The following MX2 variants were observed in gnomAD, a reference collection of about 807,000 sequenced individuals.
MX2 encodes the protein interferon-induced GTP-binding protein Mx2.
MX2 carries 51 observed loss-of-function variants against 74.0 expected under a neutral mutation model. The observed-to-expected ratio is 0.69, with a 90% confidence interval of 0.55 to 0.87. The LOEUF (loss-of-function observed/expected upper bound fraction) is 0.87, where lower values mean the gene tolerates loss of function less well. Among genes scored for constraint, MX2 ranks in the 40% least tolerant of loss-of-function variants. The probability of loss-of-function intolerance (pLI) is 0.00; values close to 1 mark genes in which losing one functional copy is unlikely to be tolerated. For synonymous variants in MX2, 369 were observed against 339.3 expected (o/e 1.09, Z -0.96); for missense variants, 832 against 908.7 (o/e 0.92, Z 1.09).
intron 10 of MX2, among the ~76,000 whole-genome samples, chr21:41,400,417 T>A (rs1196125338): frequency 6.6e-6 from 1 of 152,202 alleles, no homozygotes; most frequent in African/African-American, 2.4e-5. Flanking sequence ...GATTCTTGGT[T>A]TGACAAGAGC....
In MX2 at chr21:41,376,996, G is replaced by A. The variant is rs988047894; in HGVS notation, c.90G>A (p.Gln30=). 9.9e-6 allele frequency: 16 copies of A among 1,614,058 alleles called. No homozygotes were observed. In the Admixed American group the frequency reaches 2.5e-4, roughly 25 times the overall value. ...TGAAAAAAGAAATGAATTCCTTCCA[G>A]CAACAGCCACCGCCATTCGGCACAG... The part of the protein sequence containing the change: ...KYLKKEMNSF[Q]QQPPPFGTVP... The change falls in exon 2 of 14, where the codon CAG becomes CAA. Residue 30 remains glutamine, a synonymous_variant. Transcript: ENST00000330714.
chr21:41,404,567 G>A (rs2089859518), intron 12 of MX2: 2 of 152,268 alleles, frequency 1.3e-5, no homozygotes, highest in Admixed American at 1.3e-4. Flanking sequence ...GAAAGAGCGA[G>A]CAGGTGGGGA....
At chr21:41,405,498 G>C (rs1054326384) in intron 12 of MX2, among the ~76,000 whole-genome samples, 1 of 151,988 alleles carries the variant, frequency 6.6e-6, no homozygotes, top group African/African-American at 2.4e-5. Context: ...ACGGTGGAAA[G>C]AGCGCTCTCT....
At chr21:41,371,840 C>G (rs987870622) in intron 1 of MX2, among the ~76,000 whole-genome samples, 3 of 152,164 alleles carry the variant, frequency 2.0e-5, no homozygotes, top group African/African-American at 7.2e-5. Context: ...CATGATGTGA[C>G]TTTGGGTGAG....
At chr21:41,377,675 T>A in intron 2 of MX2, 114 bp from the exon 3 acceptor site, 1 of 1,140,854 alleles carries the variant, frequency 8.8e-7, no homozygotes, top group Admixed American at 2.3e-5. Flanking sequence ...CCTTCTCACC[T>A]CCTGTCTGCA....
At chr21:41,385,915 G>A (rs2089565936) in intron 5 of MX2, among the ~76,000 whole-genome samples, 1 of 152,056 alleles carries the variant, frequency 6.6e-6, no homozygotes, top group Admixed American at 6.5e-5. Flanking sequence ...CACAGAGGCA[G>A]AAAGTGAATA....
At chr21:41,371,150 GT>G (rs2089319556) in intron 1 of MX2, among the ~76,000 whole-genome samples, 2 of 152,200 alleles carry the variant, frequency 1.3e-5, no homozygotes, top group Admixed American at 6.5e-5. Flanking sequence ...GAAATCCACT[GT>G]GGTGGGAGTC....
intron 6 of MX2, among the ~76,000 whole-genome samples, chr21:41,392,439 C>T (rs1432791552): frequency 6.6e-6 from 1 of 152,142 alleles, no homozygotes; most frequent in Non-Finnish European, 1.5e-5. Flanking sequence ...GTGATTCTAC[C>T]TTATTTGAGG....
intron 6 of MX2, among the ~76,000 whole-genome samples, chr21:41,393,846 C>T (rs540826953): frequency 3.3e-5 from 5 of 152,312 alleles, no homozygotes; most frequent in Admixed American, 1.3e-4. Flanking sequence ...TCCTGATTCA[C>T]CTCCTCTCCA....
chr21:41,406,805 A>G lies in MX2; in HGVS notation c.1712A>G (p.Gln571Arg). The change falls in exon 13 of 14, where the codon CAG becomes CGG. Residue 571 changes from glutamine (Q) to arginine (R), a missense_variant. Physicochemically the swap from Gln to Arg is conservative, Grantham distance 43. Coordinates refer to ENST00000330714, the MANE Select transcript of MX2 (RefSeq NM_002463.2). ...AAGGCAGAAAACATGATCCAACTTC[A>G]GTTCAGAATGGAGCAGATGGTTTTT... is the stretch of plus-strand genomic sequence containing the variant. ...TAKAENMIQL[Q>R]FRMEQMVFCQ... The G allele has an allele frequency of 6.2e-7, 1 of 1,614,264 alleles. No homozygotes were observed. Among genetic ancestry groups the G allele is most frequent in the Non-Finnish European group, 8.5e-7 (1 of 1,180,036 alleles).
intron 1 of MX2, among the ~76,000 whole-genome samples, chr21:41,371,346 T>A (rs1329966697): frequency 2.6e-5 from 4 of 152,154 alleles, no homozygotes; most frequent in African/African-American, 4.8e-5. Context: ...GACTCTTGAG[T>A]ACTTGGGTCA....
At chr21:41,374,383 T>C (rs1021345836) in intron 1 of MX2, among the ~76,000 whole-genome samples, 8 of 152,204 alleles carry the variant, frequency 5.3e-5, no homozygotes, top group Non-Finnish European at 7.3e-5. Flanking sequence ...AGTCCTGCCC[T>C]GCCCCTCGCC....
At chr21:41,386,295 T>C (rs1473437082) in intron 5 of MX2, among the ~76,000 whole-genome samples, 1 of 149,936 alleles carries the variant, frequency 6.7e-6, no homozygotes, top group Non-Finnish European at 1.5e-5. Flanking sequence ...AAAGGAGGTT[T>C]GCCCGTGCAC....
intron 6 of MX2, among the ~76,000 whole-genome samples, chr21:41,394,813 T>G (rs2089711674): frequency 6.6e-6 from 1 of 151,982 alleles, no homozygotes; most frequent in South Asian, 2.1e-4. Context: ...TGGTAGCACA[T>G]GCCTGTAGTC....
At position 41,380,173 on chromosome 21, in the gene MX2, G is replaced by A; in HGVS notation, c.577+22G>A. The A allele has an allele frequency of 6.2e-7, 1 of 1,613,284 alleles. No individual in the cohort carries two copies. Among genetic ancestry groups the A allele is most frequent in the East Asian group, 2.2e-5 (1 of 44,848 alleles). On this transcript the variant is annotated intron_variant, in intron 4 of 13. Transcript: ENST00000330714. The surrounding 1 kb of genome is among the most constrained non-coding windows in gnomAD (Gnocchi z 4.3). ...AAAGGTGGGCCCACGTCATTCTGAG[G>A]TTCGGATCTGGCAGCCGCTCCTCTC...
intron 5 of MX2, among the ~76,000 whole-genome samples, chr21:41,385,070 C>G (rs1369679904): frequency 6.6e-6 from 1 of 152,068 alleles, no homozygotes; most frequent in Non-Finnish European, 1.5e-5. Context: ...TGTCTCCTTA[C>G]CTGTCTCACT....
chr21:41,378,108 TG>T, intron 3 of MX2, 127 bp downstream of exon 3: 1 of 1,213,460 alleles, frequency 8.2e-7, no homozygotes, highest in Non-Finnish European at 1.1e-6. Flanking sequence ...GACAGGACGC[TG>T]GGAGAGAGGC....
At position 41,363,518 on chromosome 21, in the gene MX2, C is replaced by T. The variant is rs559569013; in HGVS notation, c.-72+1463C>T. The T allele has an allele frequency of 3.9e-5, 6 of 152,696 alleles. No individual in the cohort carries two copies. Among genetic ancestry groups the T allele is most frequent in the African/African-American group, 1.4e-4 (6 of 41,526 alleles). The allele number at this position is 152,696 out of a possible 1,614,324, so 9.5% of individuals were successfully genotyped here. On this transcript the variant is annotated intron_variant, in intron 1 of 13. Coordinates refer to ENST00000330714, the MANE Select transcript of MX2 (RefSeq NM_002463.2). This position sits in a 1 kb window ranked among gnomAD's most constrained non-coding sequence, Gnocchi z 4.2. Reference sequence around the variant, plus strand: ...ATATGTATCTCAAGGACTTAGTGCTCAATATATATCTTTGAGTGGGTGAAA... The same window carrying T: ...ATATGTATCTCAAGGACTTAGTGCTTAATATATATCTTTGAGTGGGTGAAA...
At chr21:41,389,800 T>G (rs916342432) in intron 5 of MX2, 3 of 152,184 alleles carry the variant, frequency 2.0e-5, no homozygotes, top group Non-Finnish European at 2.9e-5. Context: ...CACAACTATA[T>G]GTAAATTGTG....
Sources: gnomAD v4.1 joint callset for allele counts (sites outside exome capture counted in the v4.1 genomes callset) on GRCh38, gnomAD v4.1.1 for gene constraint, Gnocchi (gnomAD v3.1) non-coding constraint, MANE v1.5 for transcripts, NCBI Gene and HGNC (gene_info 2026-07-23, HGNC 2026-07-21) for gene names.